Variants in KCNN2 observed in about 807,000 individuals in gnomAD.
KCNN2 encodes potassium calcium-activated channel subfamily N member 2, also known as small conductance calcium-activated potassium channel protein 2.
Under a neutral mutation model 55.5 loss-of-function variants are expected in KCNN2, and 24 were observed. That is an observed-to-expected ratio of 0.43 (90% CI 0.31 to 0.61). The LOEUF (loss-of-function observed/expected upper bound fraction) is 0.61, where lower values mean the gene tolerates loss of function less well. KCNN2 is among the 20% of genes least tolerant of loss of function. The pLI, the probability that KCNN2 is intolerant of heterozygous loss-of-function variation, is 0.08. For missense variants in KCNN2, 754 were observed against 853.6 expected (o/e 0.88, Z 1.45); for synonymous variants, 431 against 336.1 (o/e 1.28, Z -3.09).
chr5:114,180,306 T>A (rs1424432032), intron 1 of KCNN2, among the ~76,000 whole-genome samples: 1 of 152,184 alleles, frequency 6.6e-6, no homozygotes, highest in African/African-American at 2.4e-5. Flanking sequence ...CAACTGAAAT[T>A]ACTGTATTTA....
At chr5:114,468,054 A>G (rs1761537471) in intron 4 of KCNN2, among the ~76,000 whole-genome samples, 1 of 152,074 alleles carries the variant, frequency 6.6e-6, no homozygotes, top group Non-Finnish European at 1.5e-5. Flanking sequence ...GGGCTCAAAC[A>G]CCACACACTC....
intron 2 of KCNN2, among the ~76,000 whole-genome samples, chr5:114,283,187 A>C (rs1755658724): frequency 6.6e-6 from 1 of 152,084 alleles, no homozygotes; most frequent in Admixed American, 6.6e-5. Context: ...AATTTAATGT[A>C]CATTGGGCTG....
intron 2 of KCNN2, among the ~76,000 whole-genome samples, chr5:114,388,828 A>G (rs779843661): frequency 2.6e-5 from 4 of 152,132 alleles, no homozygotes; most frequent in Non-Finnish European, 4.4e-5. Context: ...TTATTTTAAC[A>G]ATCTGGATAG....
At chr5:114,311,747 A>C (rs1756393976) in intron 2 of KCNN2, among the ~76,000 whole-genome samples, 2 of 152,096 alleles carry the variant, frequency 1.3e-5, no homozygotes, top group African/African-American at 4.8e-5. Context: ...ATTAGAGATG[A>C]ATCTTTGGTT....
chr5:114,403,036 A>G (rs1293544015), intron 2 of KCNN2, among the ~76,000 whole-genome samples: 2 of 152,208 alleles, frequency 1.3e-5, no homozygotes, highest in African/African-American at 4.8e-5. Flanking sequence ...TCCTAGAAGG[A>G]GGAGGCTTAT....
At chr5:114,473,012 A>G in intron 4 of KCNN2, 42 bp from the exon 5 acceptor site, 1 of 1,158,078 alleles carries the variant, frequency 8.6e-7, no homozygotes, top group East Asian at 2.4e-5. Context: ...GACAGAAAGT[A>G]GTTAGTAATG....
chr5:114,191,383 A>G (rs1459492765), intron 1 of KCNN2, among the ~76,000 whole-genome samples: 1 of 152,140 alleles, frequency 6.6e-6, no homozygotes, highest in Non-Finnish European at 1.5e-5. Context: ...AAAATAAAAA[A>G]TTATTTATGT....
intron 2 of KCNN2, among the ~76,000 whole-genome samples, chr5:114,390,709 C>T (rs1188925442): frequency 6.6e-6 from 1 of 152,080 alleles, no homozygotes; most frequent in African/African-American, 2.4e-5. Context: ...ACACATAATC[C>T]ATACACCACA....
intron 4 of KCNN2, among the ~76,000 whole-genome samples, chr5:114,464,092 A>T (rs1202737680): frequency 6.6e-6 from 1 of 152,156 alleles, no homozygotes; most frequent in African/African-American, 2.4e-5. Context: ...TTCTTCTGGC[A>T]TGCCTCATAG....
At chr5:114,163,668 T>C (rs1487551361) in intron 1 of KCNN2, among the ~76,000 whole-genome samples, 1 of 152,180 alleles carries the variant, frequency 6.6e-6, no homozygotes, top group Non-Finnish European at 1.5e-5. Flanking sequence ...CTGTTTCTTC[T>C]TGCCCTCTCT....
intron 2 of KCNN2, among the ~76,000 whole-genome samples, chr5:114,319,458 A>T (rs1338931982): frequency 6.6e-6 from 1 of 152,212 alleles, no homozygotes; most frequent in East Asian, 1.9e-4. Context: ...CATCATAGAA[A>T]TGAACTCTGT....
intron 1 of KCNN2, among the ~76,000 whole-genome samples, chr5:114,098,526 G>A (rs1751309146): frequency 6.6e-6 from 1 of 152,058 alleles, no homozygotes; most frequent in Non-Finnish European, 1.5e-5. Context: ...GAGGGATCTG[G>A]GTTGCAAGCT....
intron 5 of KCNN2, among the ~76,000 whole-genome samples, chr5:114,478,476 C>G (rs1253880166): frequency 6.6e-6 from 1 of 151,956 alleles, no homozygotes. Flanking sequence ...AAACATACTT[C>G]CGGATATCAT....
chr5:114,288,400 T>C (rs1755800952), intron 2 of KCNN2, among the ~76,000 whole-genome samples: 1 of 152,040 alleles, frequency 6.6e-6, no homozygotes, highest in African/African-American at 2.4e-5. Flanking sequence ...TTTTTGGGAT[T>C]CACCAAACTG....
At chr5:114,138,457 A>G (rs142321705) in intron 1 of KCNN2, among the ~76,000 whole-genome samples, 35 of 152,270 alleles carry the variant, frequency 2.3e-4, no homozygotes, top group African/African-American at 7.7e-4. Context: ...GCACATTTTT[A>G]TCAAAAGTCA....
intron 6 of KCNN2, among the ~76,000 whole-genome samples, chr5:114,491,850 C>G (rs1450793680): frequency 1.3e-5 from 2 of 151,924 alleles, no homozygotes; most frequent in African/African-American, 4.8e-5. Context: ...TCTAAGTGTT[C>G]TTTTTAGGGG....
chr5:114,312,472 T>C (rs1756424338), intron 2 of KCNN2, among the ~76,000 whole-genome samples: 1 of 116,820 alleles, frequency 8.6e-6, no homozygotes, highest in East Asian at 2.3e-4. Context: ...TATATATATA[T>C]ATATGGATCC....
At chr5:114,290,334 A>T (rs1166195201) in intron 2 of KCNN2, among the ~76,000 whole-genome samples, 3 of 152,012 alleles carry the variant, frequency 2.0e-5, no homozygotes, top group Non-Finnish European at 4.4e-5. Flanking sequence ...TAATTTGTAT[A>T]TTTCCATGAA....
At chr5:114,321,061 C>A (rs556475234) in intron 2 of KCNN2, among the ~76,000 whole-genome samples, 1 of 152,260 alleles carries the variant, frequency 6.6e-6, no homozygotes, top group South Asian at 2.1e-4. Flanking sequence ...TACACATTAG[C>A]CATTTCACTC....
Sources: gnomAD v4.1 joint callset for allele counts (sites outside exome capture counted in the v4.1 genomes callset) on GRCh38, gnomAD v4.1.1 for gene constraint, MANE v1.5 for transcripts, NCBI Gene and HGNC (gene_info 2026-07-23, HGNC 2026-07-21) for gene names.